The following BCAS1 variants were observed in gnomAD, a reference collection of about 807,000 sequenced individuals.
BCAS1 encodes the protein breast carcinoma-amplified sequence 1.
In BCAS1, 46 loss-of-function variants were observed where a neutral mutation model predicts 65.4. The observed-to-expected ratio is 0.70, with a 90% CI of 0.55 to 0.90. BCAS1 has a LOEUF of 0.90. Ranked by LOEUF, BCAS1 falls within the 40% of genes least tolerant of loss-of-function variation. The pLI is 0.00. For missense variants in BCAS1, 793 were observed against 771.2 expected (o/e 1.03, Z -0.33); for synonymous variants, 298 against 293.5 (o/e 1.02, Z -0.16).
At chr20:53,946,406 G>A (rs188723320) in intron 12 of BCAS1, among the ~76,000 whole-genome samples, 2 of 151,958 alleles carry the variant, frequency 1.3e-5, no homozygotes, top group Admixed American at 1.3e-4. Flanking sequence ...TAGTGGATGT[G>A]CGATTCATCC....
rs745779673 is a variant in BCAS1, at chr20:53,975,461, T to C, written c.1276-31A>G. ...GGAAGATAAAAACAAAAGTGAGAGT[T>C]AAAAGGTTACAGAAAACAAAATTGT... On this transcript the variant is annotated intron_variant, in intron 8 of 12. Coordinates refer to ENST00000688948, the MANE Select transcript of BCAS1 (RefSeq NM_001366298.2). 7 of 1,602,398 alleles carry C rather than the reference T, an allele frequency of 4.4e-6. No individual in the cohort carries two copies. The East Asian group carries it at 1.3e-4, about 31-fold the overall frequency.
chr20:54,001,065 T>C (rs1013265696), intron 4 of BCAS1, among the ~76,000 whole-genome samples: 7 of 152,240 alleles, frequency 4.6e-5, no homozygotes, highest in African/African-American at 1.7e-4. Flanking sequence ...TGGCTGGATA[T>C]TTTTTGTTCC....
chr20:53,955,277 C>T (rs1482413522), intron 11 of BCAS1, among the ~76,000 whole-genome samples: 3 of 152,334 alleles, frequency 2.0e-5, no homozygotes, highest in South Asian at 4.1e-4. Flanking sequence ...AAGCAACAGG[C>T]ATCCAGTGTA....
chr20:53,981,824 G>GTGTC (rs1283941583), intron 8 of BCAS1, among the ~76,000 whole-genome samples: 1 of 91,626 alleles, frequency 1.1e-5, no homozygotes, highest in Non-Finnish European at 2.5e-5. Context: ...GTGCGTGCGT[G>GTGTC]TGTGTGTGTG....
At chr20:54,064,030 A>C (rs1190675850) in intron 1 of BCAS1, among the ~76,000 whole-genome samples, 1 of 152,064 alleles carries the variant, frequency 6.6e-6, no homozygotes, top group Non-Finnish European at 1.5e-5. Flanking sequence ...CTTGTGTTTG[A>C]GGGTTTGGCA....
At chr20:54,016,363 G>C (rs1195767474) in intron 4 of BCAS1, among the ~76,000 whole-genome samples, 2 of 152,000 alleles carry the variant, frequency 1.3e-5, no homozygotes, top group African/African-American at 4.8e-5. Context: ...TAATTTTGGG[G>C]TACGTGTGAT....
chr20:53,960,468 TTAA>T (rs1373410487), intron 10 of BCAS1, among the ~76,000 whole-genome samples: 1 of 87,904 alleles, frequency 1.1e-5, no homozygotes, highest in East Asian at 3.3e-4. Context: ...GTTCAACTTC[TTAA>T]AAAAAAAAAA....
At chr20:54,017,389 T>TC (rs1555871050) in intron 4 of BCAS1, among the ~76,000 whole-genome samples, 4 of 133,188 alleles carry the variant, frequency 3.0e-5, no homozygotes, top group Admixed American at 3.0e-4. Flanking sequence ...TGTGTGATTT[T>TC]TTTTCTTTTC....
intron 1 of BCAS1, among the ~76,000 whole-genome samples, chr20:54,066,941 C>T (rs2146384057): frequency 6.6e-6 from 1 of 152,280 alleles, no homozygotes; most frequent in African/African-American, 2.4e-5. Context: ...ACTGTCTCTT[C>T]TGCTGTATAA....
At chr20:54,065,120 CT>C (rs2092421084) in intron 1 of BCAS1, among the ~76,000 whole-genome samples, 1 of 131,776 alleles carries the variant, frequency 7.6e-6, no homozygotes, top group Admixed American at 8.4e-5. Flanking sequence ...TATCATCTAT[CT>C]ATCTATCTAT....
Position 54,038,727 on chromosome 20 carries a change from T to C in BCAS1, c.143-9755A>G, listed in dbSNP as rs931134338. On this transcript the variant is annotated intron_variant, in intron 3 of 12. Coordinates refer to ENST00000688948, the MANE Select transcript of BCAS1 (RefSeq NM_001366298.2). ...ACAAAGTGTCCATGTATGAACATTA[T>C]TCACCGCCGAATCATCTCTTCCTAT... 2.6e-5 allele frequency among the ~76,000 whole-genome samples: 4 copies of C among 151,614 alleles called. No individual in the cohort carries two copies. The South Asian group carries it at 8.4e-4, about 32-fold the overall frequency.
chr20:54,029,649 G>A (rs903950780), intron 3 of BCAS1, among the ~76,000 whole-genome samples: 2 of 152,184 alleles, frequency 1.3e-5, no homozygotes, highest in African/African-American at 2.4e-5. Context: ...TCGTAATTTT[G>A]TTAGGAAGAT....
chr20:54,001,250 C>A (rs561851957), intron 4 of BCAS1, among the ~76,000 whole-genome samples: 2 of 152,348 alleles, frequency 1.3e-5, no homozygotes, highest in South Asian at 4.1e-4. Flanking sequence ...TTGCCTTTAA[C>A]TTCCAAGCTG....
intron 11 of BCAS1, among the ~76,000 whole-genome samples, chr20:53,955,033 C>CAA (rs1568806291): frequency 6.6e-6 from 1 of 152,164 alleles, no homozygotes; most frequent in African/African-American, 2.4e-5. Context: ...CTTGACCCAC[C>CAA]GGATACATGT....
In BCAS1 at chr20:53,976,408, T is replaced by G. The variant is rs77144654; in HGVS notation, c.1276-978A>C. 1.8e-3 allele frequency among the ~76,000 whole-genome samples: 267 copies of G among 152,146 alleles called. 9 individuals carry two copies. The East Asian group carries it at 0.044, about 25-fold the overall frequency. ...GTTAAGAACTCTGTCTATATCCATT[T>G]TGTTACTAAGTCCTATTTTTTTTTT... On this transcript the variant is annotated intron_variant, in intron 8 of 12. Coordinates refer to ENST00000688948, the MANE Select transcript of BCAS1 (RefSeq NM_001366298.2).
At chr20:53,981,934 G>A (rs2090493004) in intron 8 of BCAS1, among the ~76,000 whole-genome samples, 1 of 152,138 alleles carries the variant, frequency 6.6e-6, no homozygotes, top group Non-Finnish European at 1.5e-5. Context: ...AACACCAGAA[G>A]CCACACGTGG....
chr20:53,996,450 A>G (rs1369276859), intron 4 of BCAS1, among the ~76,000 whole-genome samples: 1 of 139,686 alleles, frequency 7.2e-6, no homozygotes, highest in African/African-American at 2.7e-5. Context: ...ACAGAGTTGG[A>G]TTATATCAAC....
intron 2 of BCAS1, 80 bp from the exon 3 acceptor site, chr20:54,058,234 A>T: frequency 8.0e-7 from 1 of 1,255,788 alleles, no homozygotes; most frequent in Non-Finnish European, 1.2e-6. Flanking sequence ...TCTAAGATAC[A>T]AGGGTGTCTC....
intron 4 of BCAS1, among the ~76,000 whole-genome samples, chr20:54,005,517 T>C (rs932895655): frequency 6.6e-6 from 1 of 152,072 alleles, no homozygotes; most frequent in Non-Finnish European, 1.5e-5. Context: ...GACAAGTTAA[T>C]TTCATCAGCC....
Sources: gnomAD v4.1 joint callset for allele counts (sites outside exome capture counted in the v4.1 genomes callset) on GRCh38, gnomAD v4.1.1 for gene constraint, MANE v1.5 for transcripts, NCBI Gene and HGNC (gene_info 2026-07-23, HGNC 2026-07-21) for gene names.